Variants in TAF13 observed in about 807,000 individuals in gnomAD.
TAF13 encodes TATA-box binding protein associated factor 13, also known as transcription initiation factor TFIID subunit 13.
Under a neutral mutation model 18.7 loss-of-function variants are expected in TAF13, and 9 were observed. The observed-to-expected ratio is 0.48, with a 90% CI of 0.29 to 0.84. The LOEUF (loss-of-function observed/expected upper bound fraction) is 0.84. Ranked by LOEUF, TAF13 falls within the 40% of genes least tolerant of loss-of-function variation. The pLI is 0.08. For missense variants in TAF13, 105 were observed against 146.5 expected, an observed-to-expected ratio of 0.72 and a Z score of 1.46; for synonymous variants, 49 against 44.1, an observed-to-expected ratio of 1.11 and a Z score of -0.44.
chr1:109,075,998 T>A lies in TAF13; in HGVS notation c.-51A>T. ...TCCTGCCGGCTGGCTCCCAGCTGGT[T>A]ACACTACTTCCGCCGCCTCACTTCC... On this transcript the variant is annotated 5_prime_UTR_variant, in exon 1 of 4. Coordinates refer to ENST00000338366, the MANE Select transcript of TAF13 (RefSeq NM_005645.4). The A allele has an allele frequency of 6.2e-7, 1 of 1,613,896 alleles. No homozygotes were observed. The highest frequency in any genetic ancestry group is 8.5e-7 in the Non-Finnish European group (1 of 1,179,862).
At chr1:109,067,669 T>C (rs1663975969) in intron 2 of TAF13, among the ~76,000 whole-genome samples, 1 of 152,124 alleles carries the variant, frequency 6.6e-6, no homozygotes, top group Admixed American at 6.6e-5. Context: ...AGAAGTCTAA[T>C]ACAGACAAAT....
chr1:109,074,056 C>T (rs1415543033), intron 2 of TAF13, among the ~76,000 whole-genome samples: 2 of 152,216 alleles, frequency 1.3e-5, no homozygotes, highest in African/African-American at 2.4e-5. Flanking sequence ...TCTGCCCTGC[C>T]GCCACCCTGT....
chr1:109,069,613 C>T (rs542836958), intron 2 of TAF13, among the ~76,000 whole-genome samples: 18 of 151,650 alleles, frequency 1.2e-4, no homozygotes, highest in African/African-American at 4.1e-4. Context: ...TTAAGACTTG[C>T]ACAATTTATT....
intron 2 of TAF13, among the ~76,000 whole-genome samples, chr1:109,074,592 AAAAAT>A (rs1211430103): frequency 6.6e-6 from 1 of 152,166 alleles, no homozygotes; most frequent in Non-Finnish European, 1.5e-5. Context: ...AAAAAATTAA[AAAAAT>A]AAAATAAAGC....
At chr1:109,066,073 TAA>T (rs1017732262) in intron 3 of TAF13, 60 bp downstream of exon 3, 1 of 1,428,594 alleles carries the variant, frequency 7.0e-7, no homozygotes, top group Non-Finnish European at 9.7e-7. Context: ...TAGTCTTACC[TAA>T]AGTTTAATAT....
At chr1:109,067,457 A>T (rs899545598) in intron 2 of TAF13, among the ~76,000 whole-genome samples, 12 of 150,946 alleles carry the variant, frequency 7.9e-5, no homozygotes, top group African/African-American at 3.0e-4. Context: ...AAAAAACACA[A>T]AAGTCAGCTG....
intron 2 of TAF13, 37 bp from the exon 3 acceptor site, chr1:109,066,269 A>G: frequency 6.6e-7 from 1 of 1,507,302 alleles, no homozygotes; most frequent in African/African-American, 1.4e-5. Flanking sequence ...GTTTACTTTT[A>G]CAGATTTAAC....
intron 2 of TAF13, among the ~76,000 whole-genome samples, chr1:109,074,616 AAC>A (rs1384308127): frequency 7.2e-5 from 11 of 152,080 alleles, no homozygotes; most frequent in South Asian, 2.1e-4. Context: ...GCAAAATAAA[AAC>A]ACACAAAAAA....
At chr1:109,066,298 A>T in intron 2 of TAF13, 66 bp from the exon 3 acceptor site, 2 of 1,306,818 alleles carry the variant, frequency 1.5e-6, no homozygotes, top group Non-Finnish European at 2.1e-6. Flanking sequence ...ACTTTAAAAA[A>T]ATAAAGTAGA....
At position 109,075,963 on chromosome 1, in the gene TAF13, A is replaced by T. The variant is rs1557987860; in HGVS notation, c.-16T>A. The T allele has an allele frequency of 1.9e-6, 3 of 1,614,126 alleles. No individual in the cohort carries two copies. Among genetic ancestry groups the T allele is most frequent in the Middle Eastern group, 1.6e-4 (1 of 6,062 alleles). On this transcript the variant is annotated 5_prime_UTR_variant, in exon 1 of 4. In the 5' UTR this introduces an upstream ATG that the reference lacks. Transcript: ENST00000338366. Reference sequence around the variant, plus strand: ...CATCTGCCATCCCACTAGCACGCCAACTCACAGCGTCCTGCCGGCTGGCTC... The same window carrying T: ...CATCTGCCATCCCACTAGCACGCCATCTCACAGCGTCCTGCCGGCTGGCTC...
intron 2 of TAF13, among the ~76,000 whole-genome samples, chr1:109,074,678 G>A (rs1389762278): frequency 6.6e-6 from 1 of 152,126 alleles, no homozygotes; most frequent in Non-Finnish European, 1.5e-5. Context: ...TACTCAGGAG[G>A]CTGAGGCAGG....
At chr1:109,067,009 G>A (rs1349994834) in intron 2 of TAF13, among the ~76,000 whole-genome samples, 1 of 151,854 alleles carries the variant, frequency 6.6e-6, no homozygotes, top group Non-Finnish European at 1.5e-5. Context: ...GTGAGCCACC[G>A]CGCCCAGCCC....
chr1:109,072,027 T>TATATATACAC, intron 2 of TAF13, among the ~76,000 whole-genome samples: 1 of 4,668 alleles, frequency 2.1e-4, no homozygotes, highest in African/African-American at 6.9e-4. Flanking sequence ...CACACATATA[T>TATATATACAC]ATATATATAT....
At position 109,064,272 on chromosome 1, in the gene TAF13, G is replaced by A. The variant is rs953072163; in HGVS notation, c.*251C>T. ...TAGTCAAAAGTCAGAACAACGGCAT[G>A]GTTTGCAAGGTACTTTGACTTATGT... On this transcript the variant is annotated 3_prime_UTR_variant, in exon 4 of 4. Transcript: ENST00000338366. 3.9e-6 allele frequency: 1 copy of A among 259,502 alleles called. No homozygotes were observed. Among genetic ancestry groups the A allele is most frequent in the Non-Finnish European group, 7.2e-6 (1 of 139,274 alleles). 16.1% of individuals were successfully genotyped at this position (259,502 alleles called of 1,614,324 possible).
intron 2 of TAF13, among the ~76,000 whole-genome samples, chr1:109,070,184 T>C (rs2358956): frequency 0.92 from 139,685 of 152,276 alleles, 64,240 homozygotes; most frequent in East Asian, 1. Context: ...GATAGTTCCT[T>C]GACTTTTTCA....
At chr1:109,069,457 AG>A (rs1000658248) in intron 2 of TAF13, among the ~76,000 whole-genome samples, 1 of 152,208 alleles carries the variant, frequency 6.6e-6, no homozygotes, top group Non-Finnish European at 1.5e-5. Flanking sequence ...AATAGTGACA[AG>A]GAAAAAAGTC....
chr1:109,073,858 G>C (rs981749170), intron 2 of TAF13, among the ~76,000 whole-genome samples: 1 of 151,736 alleles, frequency 6.6e-6, no homozygotes, highest in Non-Finnish European at 1.5e-5. Context: ...ACCTCTGCCC[G>C]GCCGCCCCGT....
intron 1 of TAF13, 97 bp from the exon 2 acceptor site, chr1:109,075,162 A>G: frequency 9.8e-7 from 1 of 1,022,406 alleles, no homozygotes; most frequent in East Asian, 2.5e-5. Context: ...CAGATAGGCC[A>G]GAAAGCCAAA....
chr1:109,066,970 C>T (rs1663961461), intron 2 of TAF13, among the ~76,000 whole-genome samples: 1 of 152,120 alleles, frequency 6.6e-6, no homozygotes, highest in Non-Finnish European at 1.5e-5. Context: ...CTGCGTGCCT[C>T]AGCCTCCCAA....
Sources: gnomAD v4.1 joint callset for allele counts (sites outside exome capture counted in the v4.1 genomes callset) on GRCh38, gnomAD v4.1.1 for gene constraint, MANE v1.5 for transcripts, NCBI Gene and HGNC (gene_info 2026-07-23, HGNC 2026-07-21) for gene names.